DNAH6: variants seen among roughly 807,000 people sequenced by gnomAD.
DNAH6 encodes the protein dynein axonemal heavy chain 6, also known as axonemal beta dynein heavy chain 6.
A neutral mutation model predicts 491.4 loss-of-function variants in DNAH6; 340 were observed. That is an observed-to-expected ratio of 0.69 (90% CI 0.63 to 0.76). The LOEUF (loss-of-function observed/expected upper bound fraction) is 0.76. Ranked by LOEUF, DNAH6 falls within the 30% of genes least tolerant of loss-of-function variation. The pLI is 0.00. For missense variants in DNAH6, 4,443 were observed against 4,972.2 expected (o/e 0.89, Z 3.20); for synonymous variants, 1,603 against 1,686.1 (o/e 0.95, Z 1.21).
At position 84,628,796 on chromosome 2, in the gene DNAH6, A is replaced by T. The variant is rs550937718; in HGVS notation, c.4515+3733A>T. ...CAAGTCAAATGTTCTCTCCCATTTT[A>T]AAAAAAAATACATATTATATGCAAA... is the stretch of plus-strand genomic sequence containing the variant. On this transcript the variant is annotated intron_variant, in intron 29 of 76. Transcript: ENST00000389394. Among the ~76,000 whole-genome samples, 43 of 151,068 alleles carry T rather than the reference A, an allele frequency of 2.8e-4. 1 individual carries two copies. Among genetic ancestry groups the T allele is most frequent in the African/African-American group, 7.0e-4 (29 of 41,342 alleles).
chr2:84,782,231 T>C (rs528240191), intron 65 of DNAH6, among the ~76,000 whole-genome samples: 1 of 152,280 alleles, frequency 6.6e-6, no homozygotes, highest in Admixed American at 6.5e-5. Flanking sequence ...GGAATTAGAA[T>C]CTACTCATTT....
chr2:84,817,787 T>C (rs1183099011), intron 76 of DNAH6, among the ~76,000 whole-genome samples: 1 of 152,138 alleles, frequency 6.6e-6, no homozygotes, highest in South Asian at 2.1e-4. Context: ...AGGGAGCTGG[T>C]GTTTAGAGGT....
chr2:84,597,236 C>G (rs1684681538), intron 18 of DNAH6, among the ~76,000 whole-genome samples: 2 of 152,148 alleles, frequency 1.3e-5, no homozygotes, highest in African/African-American at 2.4e-5. Flanking sequence ...TAAGATCCCT[C>G]TATGTAGTTG....
intron 64 of DNAH6, among the ~76,000 whole-genome samples, 179 bp downstream of exon 64, chr2:84,763,124 C>T (rs979534216): frequency 5.3e-5 from 8 of 151,988 alleles, no homozygotes; most frequent in African/African-American, 9.7e-5. Context: ...AAGTCATAAA[C>T]GTAGCTGTAA....
At position 84,638,620 on chromosome 2, in the gene DNAH6, T is replaced by A. The variant is rs141506085; in HGVS notation, c.4821+1243T>A. ...TTCTTCTATGTGAAATAAAAGTAAT[T>A]GCTTAAGAATAGAGTAGACTGTGCC... On this transcript the variant is annotated intron_variant, in intron 31 of 76. Transcript: ENST00000389394. Among the ~76,000 whole-genome samples, 191 of 152,324 alleles carry A rather than the reference T, an allele frequency of 1.3e-3. 3 individuals carry two copies. The East Asian group carries it at 0.033, about 26-fold the overall frequency.
At chr2:84,792,668 T>G (rs185286615) in intron 68 of DNAH6, among the ~76,000 whole-genome samples, 7 of 152,224 alleles carry the variant, frequency 4.6e-5, no homozygotes, top group Admixed American at 4.6e-4. Context: ...TCAACAACAC[T>G]AAAAAAGGTA....
intron 55 of DNAH6, among the ~76,000 whole-genome samples, chr2:84,710,026 G>A (rs1436780500): frequency 6.6e-6 from 1 of 152,218 alleles, no homozygotes; most frequent in Non-Finnish European, 1.5e-5. Context: ...AAGCAAGGGA[G>A]ACCAACATGA....
intron 33 of DNAH6, among the ~76,000 whole-genome samples, chr2:84,650,235 C>T (rs990517317): frequency 1.2e-4 from 18 of 152,236 alleles, no homozygotes; most frequent in African/African-American, 4.3e-4. Flanking sequence ...AATACTTCTT[C>T]AGCTCTTTCA....
chr2:84,464,960 A>G, the DNAH6 span, among the ~76,000 whole-genome samples: 1 of 151,952 alleles, frequency 6.6e-6, no homozygotes, highest in Non-Finnish European at 1.5e-5. Context: ...CGCCTCTGAC[A>G]TTTCCCCCCT....
intron 2 of DNAH6, among the ~76,000 whole-genome samples, chr2:84,523,545 G>C (rs1431195239): frequency 6.6e-6 from 1 of 151,742 alleles, no homozygotes; most frequent in African/African-American, 2.4e-5. Context: ...GTTGTGATTG[G>C]AGGTTGTTAA....
chr2:84,740,690 A>C (rs1241786822), intron 62 of DNAH6, among the ~76,000 whole-genome samples: 1 of 152,106 alleles, frequency 6.6e-6, no homozygotes, highest in African/African-American at 2.4e-5. Context: ...CTGTTCCCCA[A>C]CTGACCAAGG....
rs1233966766 is a variant in DNAH6, at chr2:84,619,791, C to T, written c.3679C>T (p.Leu1227Phe). 6.4e-7 allele frequency: 1 copy of T among 1,551,452 alleles called. No homozygotes were observed. The highest frequency in any genetic ancestry group is 1.4e-5 in the African/African-American group (1 of 73,016). ...LRKCFDSISK[L>F]EFALMPPAEG... is the part of the protein sequence containing the mutation. Reference sequence around the variant, plus strand: ...GAAATGCTTCGACTCCATTTCAAAGCTCGAATTTGCTCTCATGCCTCCTGC... The same window carrying T: ...GAAATGCTTCGACTCCATTTCAAAGTTCGAATTTGCTCTCATGCCTCCTGC... The change falls in exon 24 of 77, where the codon CTC (leucine) becomes TTC (phenylalanine). Residue 1227 changes from leucine to phenylalanine, a missense_variant. Coordinates refer to ENST00000389394, the MANE Select transcript of DNAH6 (RefSeq NM_001370.2).
chr2:84,686,989 A>G (rs778193341), intron 44 of DNAH6, among the ~76,000 whole-genome samples: 4 of 152,226 alleles, frequency 2.6e-5, no homozygotes, highest in Non-Finnish European at 4.4e-5. Context: ...CTTTTAACTC[A>G]GGACTTCCCC....
In DNAH6 at chr2:84,812,324, C is replaced by A. The variant is rs1046519620; in HGVS notation, c.11740-17C>A. 9 of 1,549,318 alleles carry A rather than the reference C, an allele frequency of 5.8e-6. No individual in the cohort carries two copies. The highest frequency in any genetic ancestry group is 1.4e-5 in the African/African-American group (1 of 72,954). On this transcript the variant is annotated splice_polypyrimidine_tract_variant and intron_variant, in intron 72 of 76. Coordinates refer to ENST00000389394, the MANE Select transcript of DNAH6 (RefSeq NM_001370.2). ...TGACATCTGCAAAGGCCACCAACCC[C>A]TTTTTTGTTCTTTCAGACTTCTCTG...
At chr2:84,521,844 G>A (rs1031063332) in intron 2 of DNAH6, among the ~76,000 whole-genome samples, 1 of 152,050 alleles carries the variant, frequency 6.6e-6, no homozygotes, top group African/African-American at 2.4e-5. Flanking sequence ...GTCTGTTTTT[G>A]TACCAGTACC....
chr2:84,790,289 A>G (rs1036626823), intron 68 of DNAH6, among the ~76,000 whole-genome samples: 3 of 152,374 alleles, frequency 2.0e-5, no homozygotes, highest in African/African-American at 7.2e-5. Context: ...CAATTAACAG[A>G]TAAATGTAAA....
chr2:84,595,612 A>C, intron 17 of DNAH6, 34 bp from the exon 18 acceptor site: 2 of 1,503,350 alleles, frequency 1.3e-6, no homozygotes, highest in Middle Eastern at 1.7e-4. Context: ...TTTATGTTTT[A>C]ACTTGTTTTG....
intron 49 of DNAH6, among the ~76,000 whole-genome samples, chr2:84,702,697 C>A (rs1006622289): frequency 1.3e-5 from 2 of 151,958 alleles, no homozygotes; most frequent in Non-Finnish European, 1.5e-5. Flanking sequence ...CAACCGCCAC[C>A]ACGCCCGACT....
chr2:84,760,498 G>A (rs1573727639), intron 63 of DNAH6, among the ~76,000 whole-genome samples: 4 of 151,808 alleles, frequency 2.6e-5, no homozygotes, highest in African/African-American at 2.4e-5. Context: ...ACAGGCAAAG[G>A]GACATAAATA....
Sources: gnomAD v4.1 joint callset for allele counts (sites outside exome capture counted in the v4.1 genomes callset) on GRCh38, gnomAD v4.1.1 for gene constraint, MANE v1.5 for transcripts, NCBI Gene and HGNC (gene_info 2026-07-23, HGNC 2026-07-21) for gene names.